The following PMFBP1 variants were observed in gnomAD, a reference collection of about 807,000 sequenced individuals.
PMFBP1 encodes the protein polyamine-modulated factor 1-binding protein 1.
Under a neutral mutation model 137.8 loss-of-function variants are expected in PMFBP1, and 131 were observed. The ratio of observed to expected loss-of-function variants is 0.95; its 90% CI spans 0.82 to 1.10. The LOEUF (loss-of-function observed/expected upper bound fraction) is 1.10, where lower values mean the gene tolerates loss of function less well. PMFBP1 is among the 50% of genes least tolerant of loss of function. PMFBP1 has a pLI of 0.00. For missense variants in PMFBP1, 1,199 were observed against 1,175.4 expected (o/e 1.02, Z -0.29); for synonymous variants, 490 against 450.4 (o/e 1.09, Z -1.11).
chr16:72,124,558 C>T (rs994596926), intron 17 of PMFBP1, among the ~76,000 whole-genome samples: 6 of 152,230 alleles, frequency 3.9e-5, no homozygotes, highest in African/African-American at 1.2e-4. Flanking sequence ...GGGGCCTTCG[C>T]TCTGCTCAGT....
the PMFBP1 span, among the ~76,000 whole-genome samples, chr16:72,234,588 C>T: frequency 1.3e-5 from 2 of 152,124 alleles, no homozygotes; most frequent in Non-Finnish European, 2.9e-5. Context: ...ATTATATAAG[C>T]TTCCTATAAA....
At chr16:72,236,433 A>C in the PMFBP1 span, among the ~76,000 whole-genome samples, 2 of 152,212 alleles carry the variant, frequency 1.3e-5, no homozygotes, top group South Asian at 4.1e-4. Context: ...GCTAGTTTGT[A>C]AGTGGGATTG....
chr16:72,231,374 G>C, the PMFBP1 span, among the ~76,000 whole-genome samples: 1 of 152,064 alleles, frequency 6.6e-6, no homozygotes, highest in South Asian at 2.1e-4. Context: ...CAAATATGAC[G>C]GGCTTTAGAT....
the PMFBP1 span, among the ~76,000 whole-genome samples, chr16:72,184,024 G>C: frequency 2.6e-5 from 4 of 152,116 alleles, no homozygotes; most frequent in Non-Finnish European, 4.4e-5. Flanking sequence ...ATATTTTCTA[G>C]AAGCACTTTC....
intron 3 of PMFBP1, among the ~76,000 whole-genome samples, chr16:72,164,198 A>C (rs2043107608): frequency 1.3e-5 from 2 of 152,166 alleles, no homozygotes; most frequent in South Asian, 4.1e-4. Context: ...TGGGAGATGT[A>C]ATCTACCATC....
the PMFBP1 span, among the ~76,000 whole-genome samples, chr16:72,189,010 C>T: frequency 2.4e-4 from 36 of 151,592 alleles, no homozygotes; most frequent in Admixed American, 1.8e-3. Context: ...GACAAACAGT[C>T]GGTAGCAGAT....
intron 10 of PMFBP1, among the ~76,000 whole-genome samples, chr16:72,131,329 T>C (rs917365353): frequency 2.6e-4 from 39 of 151,898 alleles, no homozygotes; most frequent in Non-Finnish European, 3.2e-4. Context: ...GATGGATGAG[T>C]GGGGCTTTGG....
the PMFBP1 span, among the ~76,000 whole-genome samples, chr16:72,187,003 C>T: frequency 2.0e-5 from 3 of 151,698 alleles, no homozygotes; most frequent in Admixed American, 1.3e-4. Flanking sequence ...ATCCCAGCTA[C>T]TCAGGAGGCT....
Position 72,119,276 on chromosome 16 carries a change from G to A in PMFBP1, c.*62C>T. 1 of 1,549,372 alleles carries A rather than the reference G, an allele frequency of 6.5e-7. No homozygotes were observed. On this transcript the variant is annotated 3_prime_UTR_variant, in exon 21 of 21. Coordinates refer to ENST00000237353, the MANE Select transcript of PMFBP1 (RefSeq NM_031293.3). Reference sequence around the variant, plus strand: ...TCCAGGTCAAGAGAGAGGGAGGGCTGGGAACTCACTGTCCTCTGAAGAAAC... The same window carrying A: ...TCCAGGTCAAGAGAGAGGGAGGGCTAGGAACTCACTGTCCTCTGAAGAAAC...
chr16:72,187,256 C>T, the PMFBP1 span, among the ~76,000 whole-genome samples: 1 of 152,072 alleles, frequency 6.6e-6, no homozygotes, highest in African/African-American at 2.4e-5. Flanking sequence ...TTGAATGGTC[C>T]AGTATCTTCC....
chr16:72,119,521 TG>T, intron 20 of PMFBP1, 167 bp from the exon 21 acceptor site: 1 of 1,494,894 alleles, frequency 6.7e-7, no homozygotes, highest in South Asian at 1.4e-5. Context: ...GGACCCAGGC[TG>T]GGTAGGTGGC....
Position 72,171,233 on chromosome 16 carries a change from T to C in PMFBP1, c.-25A>G, listed in dbSNP as rs2043216649. 1 of 1,613,338 alleles carries C rather than the reference T, an allele frequency of 6.2e-7. No individual in the cohort carries two copies. The highest frequency in any genetic ancestry group is 1.3e-5 in the African/African-American group (1 of 75,022). On this transcript the variant is annotated 5_prime_UTR_variant, in exon 2 of 21. Coordinates refer to ENST00000237353, the MANE Select transcript of PMFBP1 (RefSeq NM_031293.3). Reference sequence around the variant, plus strand: ...TTTCCTTGGCAGCTCTCAATTCTCCTTTAACCTTTAGTATTTTCTGAGCTT... The same window carrying C: ...TTTCCTTGGCAGCTCTCAATTCTCCCTTAACCTTTAGTATTTTCTGAGCTT...
the PMFBP1 span, among the ~76,000 whole-genome samples, chr16:72,215,354 C>CAG: frequency 4.1e-5 from 6 of 145,022 alleles, no homozygotes; most frequent in Admixed American, 6.8e-5. Flanking sequence ...TAAATGCTTC[C>CAG]AGAGAGAGAG....
chr16:72,150,947 A>C (rs1724728832), intron 4 of PMFBP1, 118 bp from the exon 5 acceptor site: 1 of 829,406 alleles, frequency 1.2e-6, no homozygotes, highest in Non-Finnish European at 2.0e-6. Flanking sequence ...CCAGATGAAC[A>C]GAAGAGAGGC....
At chr16:72,160,158 T>C (rs1199355109) in intron 3 of PMFBP1, among the ~76,000 whole-genome samples, 1 of 152,238 alleles carries the variant, frequency 6.6e-6, no homozygotes, top group Non-Finnish European at 1.5e-5. Context: ...CAGAAGGAAA[T>C]TAATTGGCCT....
At chr16:72,132,158 A>G (rs1387799934) in intron 10 of PMFBP1, among the ~76,000 whole-genome samples, 1 of 152,136 alleles carries the variant, frequency 6.6e-6, no homozygotes, top group East Asian at 1.9e-4. Context: ...TCACCCTTTA[A>G]AAGTATACAA....
intron 17 of PMFBP1, among the ~76,000 whole-genome samples, chr16:72,123,924 A>C (rs1035426249): frequency 7.2e-5 from 11 of 152,210 alleles, no homozygotes; most frequent in African/African-American, 2.7e-4. Context: ...TGAAGGCATT[A>C]AAGTGACTCC....
In PMFBP1 at chr16:72,130,685, C is replaced by T. The variant is rs1378027557; in HGVS notation, c.1485G>A (p.Leu495=). 6.2e-7 allele frequency: 1 copy of T among 1,613,490 alleles called. No homozygotes were observed. Among genetic ancestry groups the T allele is most frequent in the Non-Finnish European group, 8.5e-7 (1 of 1,179,976 alleles). Residue 495 remains leucine (L), a synonymous_variant, in exon 11 of 21, where the codon CTG becomes CTA. Coordinates refer to ENST00000237353, the MANE Select transcript of PMFBP1 (RefSeq NM_031293.3). ...GGGTGTCCTCCAGGTGACAGCCTGC[C>T]AGTGCAGCCTCTTCTTTGCACTGGG... ...QAAQCKEEAA[L]AGCHLEDTQR... is the part of the protein sequence containing the mutation.
intron 2 of PMFBP1, among the ~76,000 whole-genome samples, chr16:72,166,179 T>C (rs540512891): frequency 2.4e-4 from 37 of 152,232 alleles, no homozygotes; most frequent in Middle Eastern, 3.4e-3. Context: ...TCATCTCAAA[T>C]TGTAATCCCC....
Sources: gnomAD v4.1 joint callset for allele counts (sites outside exome capture counted in the v4.1 genomes callset) on GRCh38, gnomAD v4.1.1 for gene constraint, MANE v1.5 for transcripts, NCBI Gene and HGNC (gene_info 2026-07-23, HGNC 2026-07-21) for gene names.